Variants in PTPRK observed in about 807,000 individuals in gnomAD.
PTPRK encodes the protein protein tyrosine phosphatase receptor type K.
In PTPRK, 75 loss-of-function variants were observed where a neutral mutation model predicts 178.0. The observed-to-expected ratio is 0.42, with a 90% CI of 0.35 to 0.51. The LOEUF is 0.51. Ranked by LOEUF, PTPRK falls within the 20% of genes least tolerant of loss-of-function variation. PTPRK has a pLI of 0.02. For missense variants in PTPRK, 1,441 were observed against 1,797.8 expected (o/e 0.80, Z 3.59); for synonymous variants, 637 against 620.6 (o/e 1.03, Z -0.39).
intron 1 of PTPRK, among the ~76,000 whole-genome samples, chr6:128,400,648 A>G (rs1840897731): frequency 6.6e-6 from 1 of 152,210 alleles, no homozygotes; most frequent in East Asian, 1.9e-4. Context: ...CGCATAATAT[A>G]TCCTGAACTA....
chr6:127,970,062 T>C lies in PTPRK; in HGVS notation c.*165A>G. On this transcript the variant is annotated 3_prime_UTR_variant, in exon 30 of 30. Transcript: ENST00000368226. Reference sequence around the variant, plus strand: ...ATAAAAACTAATTCAGTCCTTTTTATTAAGATACACAACTTCATAAAAAAA... The same window carrying C: ...ATAAAAACTAATTCAGTCCTTTTTACTAAGATACACAACTTCATAAAAAAA... The C allele has an allele frequency of 2.0e-6, 1 of 504,592 alleles. No homozygotes were observed. The highest frequency in any genetic ancestry group is 3.5e-6 in the Non-Finnish European group (1 of 286,642). The allele number at this position is 504,592 out of a possible 1,614,324, so 31.3% of individuals were successfully genotyped here.
At chr6:128,425,847 T>A (rs1007829200) in intron 1 of PTPRK, among the ~76,000 whole-genome samples, 1 of 152,208 alleles carries the variant, frequency 6.6e-6, no homozygotes, top group African/African-American at 2.4e-5. Context: ...TTTACAGGCT[T>A]ACATTTCCCA....
intron 1 of PTPRK, among the ~76,000 whole-genome samples, chr6:128,503,727 G>A (rs1162627541): frequency 6.6e-6 from 1 of 152,124 alleles, no homozygotes; most frequent in Non-Finnish European, 1.5e-5. Context: ...AAGCTAGAGT[G>A]CAGTGCCCAA....
At chr6:128,158,794 C>T (rs1798294286) in intron 7 of PTPRK, among the ~76,000 whole-genome samples, 2 of 151,864 alleles carry the variant, frequency 1.3e-5, no homozygotes, top group African/African-American at 4.8e-5. Context: ...CTTCATCAAA[C>T]AGTTAATAGT....
intron 8 of PTPRK, among the ~76,000 whole-genome samples, chr6:128,088,249 G>A (rs1786308640): frequency 1.3e-5 from 2 of 151,876 alleles, no homozygotes; most frequent in Non-Finnish European, 2.9e-5. Flanking sequence ...ATGGTGGCAG[G>A]TGCCTGTAAT....
At chr6:128,120,849 CT>C (rs1792341671) in intron 7 of PTPRK, among the ~76,000 whole-genome samples, 1 of 151,860 alleles carries the variant, frequency 6.6e-6, no homozygotes, top group South Asian at 2.1e-4. Flanking sequence ...GACATTTCTA[CT>C]ACTAAAAACC....
At chr6:127,994,790 T>C (rs906543424) in intron 18 of PTPRK, among the ~76,000 whole-genome samples, 4 of 151,952 alleles carry the variant, frequency 2.6e-5, no homozygotes, top group Non-Finnish European at 4.4e-5. Flanking sequence ...AATTGAAATT[T>C]AGTAATTATT....
At chr6:128,105,474 G>A (rs1424117023) in intron 7 of PTPRK, among the ~76,000 whole-genome samples, 2 of 152,186 alleles carry the variant, frequency 1.3e-5, no homozygotes, top group African/African-American at 4.8e-5. Context: ...TGTAGAGTAA[G>A]AAAGCGATGA....
intron 7 of PTPRK, among the ~76,000 whole-genome samples, chr6:128,182,472 G>A (rs192791552): frequency 5.1e-4 from 77 of 152,212 alleles, no homozygotes; most frequent in Admixed American, 1.3e-3. Flanking sequence ...TACTCGGGAA[G>A]TTGAGACAGG....
intron 3 of PTPRK, among the ~76,000 whole-genome samples, chr6:128,289,731 A>G (rs1323815928): frequency 6.6e-6 from 1 of 152,126 alleles, no homozygotes; most frequent in Admixed American, 6.6e-5. Context: ...TGGAGATGAA[A>G]TAAGTTTCAG....
intron 1 of PTPRK, among the ~76,000 whole-genome samples, chr6:128,477,536 G>A (rs949092619): frequency 6.6e-6 from 1 of 152,096 alleles, no homozygotes; most frequent in African/African-American, 2.4e-5. Flanking sequence ...TTTCATAGCT[G>A]CATTCAACAT....
intron 6 of PTPRK, among the ~76,000 whole-genome samples, chr6:128,192,604 G>A (rs1470526225): frequency 1.3e-5 from 2 of 151,922 alleles, no homozygotes; most frequent in South Asian, 2.1e-4. Context: ...CAAATCGCTC[G>A]AGCCCAGGAG....
At chr6:128,476,919 C>G (rs888974455) in intron 1 of PTPRK, among the ~76,000 whole-genome samples, 1 of 150,604 alleles carries the variant, frequency 6.6e-6, no homozygotes, top group Admixed American at 6.6e-5. Context: ...AGAGTGAAAA[C>G]GAATAAAATC....
At chr6:128,434,009 G>A (rs1562512426) in intron 1 of PTPRK, among the ~76,000 whole-genome samples, 1 of 151,156 alleles carries the variant, frequency 6.6e-6, no homozygotes, top group Non-Finnish European at 1.5e-5. Flanking sequence ...GATTTCTTAG[G>A]CTAATACGAG....
intron 2 of PTPRK, among the ~76,000 whole-genome samples, chr6:128,324,277 A>G (rs1203525434): frequency 6.6e-6 from 1 of 152,158 alleles, no homozygotes; most frequent in Non-Finnish European, 1.5e-5. Context: ...ACTTTAAAGT[A>G]GTAATCTCTA....
chr6:128,359,944 C>A (rs962604164), intron 2 of PTPRK, among the ~76,000 whole-genome samples: 15 of 152,094 alleles, frequency 9.9e-5, no homozygotes, highest in Non-Finnish European at 8.8e-5. Context: ...GTCTTTTTCA[C>A]AAGCATTTTC....
intron 3 of PTPRK, among the ~76,000 whole-genome samples, chr6:128,248,401 T>G (rs2128287681): frequency 6.6e-6 from 1 of 152,284 alleles, no homozygotes; most frequent in South Asian, 2.1e-4. Flanking sequence ...TTTCACTCTC[T>G]TTGCCCTATA....
rs1364996076 is a variant in PTPRK at position 128,076,884 on chromosome 6, CTG to C, written c.1883+1927_1883+1928del. ...TCTATGACAAACCTGGGCAAAGATT[CTG>C]TGTTTTGTTGTGGTCATTTTATCTT... On this transcript the variant is annotated intron_variant, in intron 11 of 29. Transcript: ENST00000368226. 2.6e-5 allele frequency among the ~76,000 whole-genome samples: 4 copies of C among 152,136 alleles called. No individual in the cohort carries two copies. In the East Asian group the frequency reaches 7.7e-4, roughly 29 times the overall value.
chr6:128,289,033 G>T (rs181607276), intron 3 of PTPRK, among the ~76,000 whole-genome samples: 10 of 152,084 alleles, frequency 6.6e-5, no homozygotes, highest in African/African-American at 2.2e-4. Context: ...TGGCTACAGC[G>T]TGCACCAGTG....
Sources: allele counts gnomAD v4.1 joint callset (sites outside exome capture counted in the v4.1 genomes callset), GRCh38; gene constraint gnomAD v4.1.1; transcripts MANE v1.5; gene names NCBI Gene and HGNC (gene_info 2026-07-23, HGNC 2026-07-21).